The following GFOD1 variants were observed in gnomAD, a reference collection of about 807,000 sequenced individuals.
GFOD1 encodes glucose-fructose oxidoreductase domain-containing protein 1.
In GFOD1, 9 loss-of-function variants were observed where a neutral mutation model predicts 25.4. The observed-to-expected ratio is 0.35, with a 90% confidence interval of 0.21 to 0.62. GFOD1 has a LOEUF of 0.62. Ranked by LOEUF, GFOD1 falls within the 20% of genes least tolerant of loss-of-function variation. GFOD1 has a pLI of 0.72. For missense variants in GFOD1, 403 were observed against 556.9 expected (o/e 0.72, Z 2.78); for synonymous variants, 253 against 245.6 (o/e 1.03, Z -0.28).
In GFOD1 at chr6:13,378,421, G is replaced by A. The variant is rs1377773295; in HGVS notation, c.254-12759C>T. ...AGGAGGGCAGAGTCTAGAGCTTGAA[G>A]ATGAAAGAACTGGAAAGCAAGAAGG... On this transcript the variant is annotated intron_variant, in intron 1 of 1. Coordinates refer to ENST00000379287, the MANE Select transcript of GFOD1 (RefSeq NM_018988.4). 2.0e-5 allele frequency among the ~76,000 whole-genome samples: 3 copies of A among 152,232 alleles called. No individual in the cohort carries two copies. In the East Asian group the frequency reaches 5.8e-4, roughly 29 times the overall value.
intron 1 of GFOD1, chr6:13,486,378 CCTT>C (rs1758870231): frequency 1.7e-6 from 1 of 572,824 alleles, no homozygotes; most frequent in Admixed American, 3.1e-5. Flanking sequence ...GGAACACACG[CCTT>C]CTCCAGCCTG....
chr6:13,435,303 C>T (rs1288901162), intron 1 of GFOD1, among the ~76,000 whole-genome samples: 1 of 152,164 alleles, frequency 6.6e-6, no homozygotes, highest in African/African-American at 2.4e-5. Context: ...TACCTTTGCA[C>T]ATGCTGTACC....
chr6:13,391,243 G>A (rs765192185), intron 1 of GFOD1, among the ~76,000 whole-genome samples: 10 of 150,690 alleles, frequency 6.6e-5, no homozygotes, highest in South Asian at 2.1e-4. Context: ...ATTATCTGAC[G>A]GTGCTAGCTA....
chr6:13,467,626 C>T (rs1758399851), intron 1 of GFOD1, among the ~76,000 whole-genome samples: 1 of 152,176 alleles, frequency 6.6e-6, no homozygotes, highest in African/African-American at 2.4e-5. Context: ...GGCTGAATGG[C>T]GCATTTTCTT....
chr6:13,365,071 G>C lies in GFOD1; in HGVS notation c.845C>G (p.Ala282Gly). 1 of 1,611,514 alleles carries C rather than the reference G, an allele frequency of 6.2e-7. No homozygotes were observed. Among genetic ancestry groups the C allele is most frequent in the Non-Finnish European group, 8.5e-7 (1 of 1,179,874 alleles). The change falls in exon 2 of 2, where the codon GCC (alanine) becomes GGC (glycine). Residue 282 changes from alanine to glycine, a missense_variant. Ala to Gly is a moderately conservative substitution (Grantham distance 60). Transcript: ENST00000379287. The surrounding 1 kb of genome is among the most constrained non-coding windows in gnomAD (Gnocchi z 9.2). ...AAGCAGGGAGTTGCTCACCGGCGTG[G>C]CGTCCTGCACCAGCAGCTCCTGCTC... ...APEQELLVQD[A>G]TPVSNSLLPE...
chr6:13,370,504 T>G (rs969836177), intron 1 of GFOD1, among the ~76,000 whole-genome samples: 2 of 151,836 alleles, frequency 1.3e-5, no homozygotes, highest in African/African-American at 4.8e-5. Flanking sequence ...AAGTTTGTTT[T>G]CTCTGCATTC....
chr6:13,374,728 C>CTTT (rs147560408), intron 1 of GFOD1, among the ~76,000 whole-genome samples: 1,403 of 66,554 alleles, frequency 0.021, 10 homozygotes, highest in East Asian at 0.034. Context: ...CATCTCAAAT[C>CTTT]TTTTTTTTTT....
At chr6:13,411,000 T>TA (rs1786067772) in intron 1 of GFOD1, among the ~76,000 whole-genome samples, 1 of 152,182 alleles carries the variant, frequency 6.6e-6, no homozygotes, top group Non-Finnish European at 1.5e-5. Context: ...CACATAATTG[T>TA]ATGGTAAACC....
intron 1 of GFOD1, among the ~76,000 whole-genome samples, chr6:13,394,381 G>T (rs1785684039): frequency 6.6e-6 from 1 of 151,578 alleles, no homozygotes; most frequent in African/African-American, 2.4e-5. Flanking sequence ...TGATAACTTT[G>T]GTCGTCTCTG....
intron 1 of GFOD1, among the ~76,000 whole-genome samples, chr6:13,448,568 G>T (rs867086042): frequency 6.6e-6 from 1 of 152,172 alleles, no homozygotes; most frequent in African/African-American, 2.4e-5. Flanking sequence ...ACCTGATAAG[G>T]ATCTGGTGAA....
At chr6:13,480,705 T>C (rs1449153166) in intron 1 of GFOD1, among the ~76,000 whole-genome samples, 1 of 152,126 alleles carries the variant, frequency 6.6e-6, no homozygotes. Context: ...CAGGCTGATC[T>C]CGAAGTCCTG....
intron 1 of GFOD1, among the ~76,000 whole-genome samples, chr6:13,434,933 G>T (rs1757810410): frequency 6.6e-6 from 1 of 152,202 alleles, no homozygotes; most frequent in African/African-American, 2.4e-5. Context: ...CGGCAGCAAG[G>T]TCACTGCAGA....
At position 13,427,851 on chromosome 6, in the gene GFOD1, C is replaced by A. The variant is rs553159551; in HGVS notation, c.253+58787G>T. 4.6e-5 allele frequency among the ~76,000 whole-genome samples: 7 copies of A among 152,300 alleles called. No homozygotes were observed. The South Asian group carries it at 1.2e-3, about 27-fold the overall frequency. On this transcript the variant is annotated intron_variant, in intron 1 of 1. Coordinates refer to ENST00000379287, the MANE Select transcript of GFOD1 (RefSeq NM_018988.4). ...CTGACAGGCACCTTTCCAGCCTCTA[C>A]GGAATCTTTAGCAGCCCCACGACAC...
Position 13,374,770 on chromosome 6 carries a change from T to G in GFOD1, c.254-9108A>C, listed in dbSNP as rs555272282. On this transcript the variant is annotated intron_variant, in intron 1 of 1. Transcript: ENST00000379287. The stretch of plus-strand genomic sequence containing the variant: ...TTTTTTTTGAGATCAAGTTTCACTC[T>G]TGTCTTTTGTTGCCCAGGCTGGAGT... 2.2e-5 allele frequency among the ~76,000 whole-genome samples: 3 copies of G among 138,026 alleles called. No homozygotes were observed. In the South Asian group the frequency reaches 7.8e-4, roughly 36 times the overall value. 90.6% of individuals were successfully genotyped at this position (138,026 alleles called of 152,430 possible).
intron 1 of GFOD1, among the ~76,000 whole-genome samples, chr6:13,409,664 G>A (rs1298671709): frequency 6.6e-6 from 1 of 152,206 alleles, no homozygotes; most frequent in Non-Finnish European, 1.5e-5. Flanking sequence ...GCTCACGCCT[G>A]TAATCCCAAC....
chr6:13,412,882 G>A (rs1484401720), intron 1 of GFOD1, among the ~76,000 whole-genome samples: 2 of 152,254 alleles, frequency 1.3e-5, no homozygotes, highest in Non-Finnish European at 2.9e-5. Context: ...CATCTGAGAA[G>A]GCCTTGGGGA....
chr6:13,440,255 T>C (rs943318501), intron 1 of GFOD1, among the ~76,000 whole-genome samples: 1 of 151,996 alleles, frequency 6.6e-6, no homozygotes, highest in Non-Finnish European at 1.5e-5. Context: ...AATGGCGCGA[T>C]CTCAGTTGGC....
chr6:13,460,339 T>C (rs1758270599), intron 1 of GFOD1, among the ~76,000 whole-genome samples: 2 of 152,182 alleles, frequency 1.3e-5, no homozygotes, highest in South Asian at 2.1e-4. Flanking sequence ...ATATAAATCA[T>C]TGTTATAAAG....
At chr6:13,397,053 A>C (rs1785746917) in intron 1 of GFOD1, among the ~76,000 whole-genome samples, 1 of 152,220 alleles carries the variant, frequency 6.6e-6, no homozygotes, top group Non-Finnish European at 1.5e-5. Flanking sequence ...TCAGAGCCAC[A>C]GAGAGGCCAG....
Sources: gnomAD v4.1 joint callset for allele counts (sites outside exome capture counted in the v4.1 genomes callset) on GRCh38, gnomAD v4.1.1 for gene constraint, Gnocchi (gnomAD v3.1) non-coding constraint, MANE v1.5 for transcripts, NCBI Gene and HGNC (gene_info 2026-07-23, HGNC 2026-07-21) for gene names.